The following PEAK1 variants were observed in gnomAD, a reference collection of about 807,000 sequenced individuals.
The protein encoded by PEAK1 is inactive tyrosine-protein kinase PEAK1.
PEAK1 carries 54 observed loss-of-function variants against 124.7 expected under a neutral mutation model. That is an observed-to-expected ratio of 0.43 (90% confidence interval 0.35 to 0.54). The LOEUF is 0.54. Ranked by LOEUF, PEAK1 falls within the 20% of genes least tolerant of loss-of-function variation. PEAK1 has a pLI of 0.01. For synonymous variants in PEAK1, 719 were observed against 760.0 expected, an observed-to-expected ratio of 0.95 and a Z score of 0.89; for missense variants, 2,046 against 2,134.5, an observed-to-expected ratio of 0.96 and a Z score of 0.82.
chr15:77,133,634 G>A lies in PEAK1; in HGVS notation c.3448C>T (p.Pro1150Ser). The change falls in exon 9 of 10, where the codon CCT becomes TCT. Residue 1150 changes from proline to serine, a missense_variant. Pro to Ser is a moderately conservative substitution (Grantham distance 74). Transcript: ENST00000682557. The surrounding 1 kb of genome is among the most constrained non-coding windows in gnomAD (Gnocchi z 4.2). ...TTCTTTGGCAGTGGGGGTGGTGTAG[G>A]TTGGGAAGCATTGGGTGCTTCTTGG... is the stretch of plus-strand genomic sequence containing the variant. Reference protein sequence around the residue: ...TDQEAPNASQPTPPPLPKKMI... With the variant: ...TDQEAPNASQSTPPPLPKKMI... 1.2e-6 allele frequency: 2 copies of A among 1,614,144 alleles called. No homozygotes were observed. The highest frequency in any genetic ancestry group is 1.7e-6 in the Non-Finnish European group (2 of 1,180,014).
chr15:77,359,035 C>T (rs2141538598), intron 2 of PEAK1, among the ~76,000 whole-genome samples: 1 of 152,250 alleles, frequency 6.6e-6, no homozygotes, highest in South Asian at 2.1e-4. Context: ...ATTCAACAAA[C>T]TATGACTAAA....
chr15:77,322,082 G>A (rs1015224012), intron 2 of PEAK1, among the ~76,000 whole-genome samples: 3 of 152,112 alleles, frequency 2.0e-5, no homozygotes, highest in South Asian at 2.1e-4. Context: ...TGAAACCAAC[G>A]AGAACAAAGA....
rs547387476 is a variant in PEAK1, at chr15:77,213,495, C to T, written c.-114-31455G>A. ...CACGAAGACACGAGTTCAAGACCAG[C>T]CTGGCCAAGATGGTGAAACCCCATC... On this transcript the variant is annotated intron_variant, in intron 6 of 9. Transcript: ENST00000682557. 1.2e-3 allele frequency among the ~76,000 whole-genome samples: 187 copies of T among 152,214 alleles called. 2 individuals are homozygous for T. The highest frequency in any genetic ancestry group is 4.3e-3 in the African/African-American group (179 of 41,528).
intron 1 of PEAK1, among the ~76,000 whole-genome samples, chr15:77,372,932 G>A (rs1298096109): frequency 6.6e-6 from 1 of 152,086 alleles, no homozygotes; most frequent in Non-Finnish European, 1.5e-5. Flanking sequence ...GTTTCCTGAA[G>A]CCTCACCAGA....
At chr15:77,316,307 C>G (rs1034471450) in intron 2 of PEAK1, among the ~76,000 whole-genome samples, 5 of 152,082 alleles carry the variant, frequency 3.3e-5, no homozygotes, top group African/African-American at 1.2e-4. Context: ...AATGCCATCA[C>G]CACAAATAAA....
In PEAK1 at chr15:77,181,790, T is replaced by G. The variant is rs749839708; in HGVS notation, c.137A>C (p.Asn46Thr). The G allele has an allele frequency of 6.2e-7, 1 of 1,614,126 alleles. No homozygotes were observed. Among genetic ancestry groups the G allele is most frequent in the Non-Finnish European group, 8.5e-7 (1 of 1,179,976 alleles). ...APITHGNVKT[N>T]ANHSNNHRIR... ...GCGGTGGTTGTTACTGTGATTGGCA[T>G]TAGTTTTCACATTGCCATGGGTGAT... Residue 46 changes from asparagine (N) to threonine (T), a missense_variant, in exon 7 of 10, where the codon AAT becomes ACT. Coordinates refer to ENST00000682557, the MANE Select transcript of PEAK1 (RefSeq NM_001385026.1).
At chr15:77,419,615 C>A in intron 1 of PEAK1, 2 of 985,164 alleles carry the variant, frequency 2.0e-6, no homozygotes, top group Non-Finnish European at 2.4e-6. Context: ...CCGGCCTCCC[C>A]GCGTCCAGCT....
chr15:77,337,489 A>G, intron 2 of PEAK1: 11 of 984,708 alleles, frequency 1.1e-5, no homozygotes, highest in Non-Finnish European at 1.3e-5. Context: ...ATCTGAATTC[A>G]TCATCCTGAC....
intron 1 of PEAK1, among the ~76,000 whole-genome samples, chr15:77,388,237 G>A (rs772477451): frequency 1.4e-4 from 22 of 152,116 alleles, no homozygotes; most frequent in Non-Finnish European, 1.2e-4. Context: ...ACTGGATCAC[G>A]CGTAAACTGA....
chr15:77,419,346 A>G (rs2073165578), intron 1 of PEAK1: 1 of 985,206 alleles, frequency 1.0e-6, no homozygotes, highest in Non-Finnish European at 1.2e-6. Flanking sequence ...GTCCCCATCG[A>G]AGGAGGAAAG....
intron 8 of PEAK1, among the ~76,000 whole-genome samples, chr15:77,137,280 C>G (rs997696263): frequency 7.2e-5 from 11 of 152,234 alleles, no homozygotes; most frequent in Admixed American, 5.9e-4. Context: ...TACTGAGGCA[C>G]TGCCTAGTGG....
In PEAK1 at chr15:77,363,687, G is replaced by A. The variant is rs80241329; in HGVS notation, c.-603+1476C>T. Among the ~76,000 whole-genome samples, 1,112 of 152,184 alleles carry A rather than the reference G, an allele frequency of 7.3e-3. 15 individuals are homozygous for A. Among genetic ancestry groups the A allele is most frequent in the African/African-American group, 0.025 (1,056 of 41,536 alleles). On this transcript the variant is annotated intron_variant, in intron 2 of 9. Coordinates refer to ENST00000682557, the MANE Select transcript of PEAK1 (RefSeq NM_001385026.1). ...GCTCTGTGTCCCCAGCTAAGCTCCT[G>A]ACACTATGGAATATTATTCAGTCAT...
Position 77,178,851 on chromosome 15 carries a change from G to C in PEAK1, c.3076C>G (p.Gln1026Glu), listed in dbSNP as rs1403227789. 1 of 1,614,062 alleles carries C rather than the reference G, an allele frequency of 6.2e-7. No individual in the cohort carries two copies. Among genetic ancestry groups the C allele is most frequent in the East Asian group, 2.2e-5 (1 of 44,878 alleles). ...EKGRAENALL[Q>E]DSEKKRSHSS... is the part of the protein sequence containing the mutation. ...TGACTCCTCTTCTTCTCTGAGTCCT[G>C]TAGTAATGCATTCTCTGCTCTACCC... Residue 1026 changes from glutamine to glutamate, a missense_variant, in exon 7 of 10, where the codon CAG (glutamine) becomes GAG (glutamate). Coordinates refer to ENST00000682557, the MANE Select transcript of PEAK1 (RefSeq NM_001385026.1).
At chr15:77,302,758 C>T (rs2063855647) in intron 2 of PEAK1, among the ~76,000 whole-genome samples, 1 of 152,126 alleles carries the variant, frequency 6.6e-6, no homozygotes, top group Non-Finnish European at 1.5e-5. Context: ...ATCCTGGAAA[C>T]TCTGACCTCC....
intron 5 of PEAK1, among the ~76,000 whole-genome samples, chr15:77,282,023 C>G (rs76030728): frequency 6.6e-6 from 1 of 152,186 alleles, no homozygotes; most frequent in African/African-American, 2.4e-5. Context: ...CAGCAATACA[C>G]TTACAAAAGA....
chr15:77,337,356 T>C (rs2066266449), intron 2 of PEAK1: 1 of 955,990 alleles, frequency 1.0e-6, no homozygotes. Context: ...TCAGTGAATA[T>C]TTATTTTAAA....
intron 6 of PEAK1, among the ~76,000 whole-genome samples, chr15:77,225,629 ATGTGTGTGTG>A (rs146458404): frequency 3.5e-5 from 4 of 115,776 alleles, no homozygotes; most frequent in Non-Finnish European, 7.2e-5. Flanking sequence ...CTTTCTACAG[ATGTGTGTGTG>A]TGTGTGTGTG....
chr15:77,214,286 C>T lies in PEAK1; in HGVS notation c.-114-32246G>A, dbSNP rs530024245. On this transcript the variant is annotated intron_variant, in intron 6 of 9. Transcript: ENST00000682557. Reference sequence around the variant, plus strand: ...TTTGTATCAGTCCATTCCTATACCTCTATAAAGACATACCCAAGACTGGGT... The same window carrying T: ...TTTGTATCAGTCCATTCCTATACCTTTATAAAGACATACCCAAGACTGGGT... 2.6e-5 allele frequency among the ~76,000 whole-genome samples: 4 copies of T among 152,016 alleles called. No homozygotes were observed. In the South Asian group the frequency reaches 6.2e-4, roughly 24 times the overall value.
At chr15:77,394,217 G>T (rs1231113766) in intron 1 of PEAK1, among the ~76,000 whole-genome samples, 1 of 152,198 alleles carries the variant, frequency 6.6e-6, no homozygotes, top group African/African-American at 2.4e-5. Context: ...ACCCTGAAGG[G>T]AAAGACACAA....
Sources: allele counts gnomAD v4.1 joint callset (sites outside exome capture counted in the v4.1 genomes callset), GRCh38; gene constraint gnomAD v4.1.1; non-coding constraint Gnocchi (gnomAD v3.1); transcripts MANE v1.5; gene names NCBI Gene and HGNC (gene_info 2026-07-23, HGNC 2026-07-21).